Variants in CABCOCO1 observed in about 807,000 individuals in gnomAD.
The protein encoded by CABCOCO1 is ciliary-associated calcium-binding coiled-coil protein 1.
In CABCOCO1, 28 loss-of-function variants were observed where a neutral mutation model predicts 35.7. The observed-to-expected ratio is 0.78, with a 90% CI of 0.58 to 1.07. The LOEUF is 1.07. Among genes scored for constraint, CABCOCO1 ranks in the 50% least tolerant of loss-of-function variants. The pLI, the probability that CABCOCO1 is intolerant of heterozygous loss-of-function variation, is 0.00. For synonymous variants in CABCOCO1, 95 were observed against 100.1 expected (o/e 0.95, Z 0.30); for missense variants, 326 against 309.2 (o/e 1.05, Z -0.41).
chr10:61,748,341 G>A (rs1286201708), intron 5 of CABCOCO1, among the ~76,000 whole-genome samples: 1 of 152,070 alleles, frequency 6.6e-6, no homozygotes, highest in African/African-American at 2.4e-5. Flanking sequence ...GTGAAGTTGG[G>A]AACAAAACAG....
chr10:61,720,220 A>AT (rs991298574), intron 5 of CABCOCO1, among the ~76,000 whole-genome samples: 3 of 151,916 alleles, frequency 2.0e-5, no homozygotes, highest in African/African-American at 4.8e-5. Context: ...TTGAACTTCA[A>AT]TTTTTTTTAA....
chr10:61,722,328 CAT>C (rs1370726597), intron 5 of CABCOCO1, among the ~76,000 whole-genome samples: 3 of 151,792 alleles, frequency 2.0e-5, no homozygotes, highest in Non-Finnish European at 4.4e-5. Context: ...GAATGCAAAC[CAT>C]ATATATAAAG....
intron 2 of CABCOCO1, among the ~76,000 whole-genome samples, chr10:61,679,797 A>G (rs1327929452): frequency 1.3e-5 from 2 of 152,212 alleles, no homozygotes; most frequent in Non-Finnish European, 2.9e-5. Flanking sequence ...GACAAAAAAT[A>G]TAATCAACTA....
chr10:61,682,971 A>G (rs1589118912), intron 3 of CABCOCO1, among the ~76,000 whole-genome samples: 1 of 145,612 alleles, frequency 6.9e-6, no homozygotes, highest in South Asian at 2.2e-4. Context: ...GCTCACTGCA[A>G]CCTCCGCCTC....
chr10:61,685,435 C>T (rs1327428559), intron 3 of CABCOCO1: 4 of 152,130 alleles, frequency 2.6e-5, no homozygotes, highest in Non-Finnish European at 5.9e-5. Context: ...AAAACAAATG[C>T]TTTTCATTTT....
chr10:61,690,510 A>C (rs1418646623), intron 4 of CABCOCO1, 39 bp from the exon 5 acceptor site: 1 of 1,411,326 alleles, frequency 7.1e-7, no homozygotes, highest in Non-Finnish European at 9.9e-7. Flanking sequence ...TTTTTCCTGA[A>C]ATCAACTTAT....
At chr10:61,697,254 G>A (rs1358594350) in intron 5 of CABCOCO1, among the ~76,000 whole-genome samples, 1 of 152,016 alleles carries the variant, frequency 6.6e-6, no homozygotes, top group African/African-American at 2.4e-5. Flanking sequence ...AGGTAAATCA[G>A]AAGGGAAATA....
At chr10:61,669,304 G>A (rs1004627142) in intron 1 of CABCOCO1, among the ~76,000 whole-genome samples, 4 of 151,962 alleles carry the variant, frequency 2.6e-5, no homozygotes, top group African/African-American at 9.7e-5. Context: ...GATAATATCA[G>A]GCTTACAGTT....
chr10:61,689,472 A>T (rs1374630047), intron 4 of CABCOCO1, among the ~76,000 whole-genome samples: 1 of 152,144 alleles, frequency 6.6e-6, no homozygotes, highest in Non-Finnish European at 1.5e-5. Context: ...TTTTTAATGG[A>T]TTGTGTTAGT....
chr10:61,701,543 T>C, intron 5 of CABCOCO1: 1 of 735,120 alleles, frequency 1.4e-6, no homozygotes, highest in Non-Finnish European at 1.7e-6. Context: ...CTATTTATGA[T>C]ATTATCTGGC....
intron 3 of CABCOCO1, among the ~76,000 whole-genome samples, chr10:61,681,838 A>T (rs995426149): frequency 6.6e-6 from 1 of 152,170 alleles, no homozygotes; most frequent in Non-Finnish European, 1.5e-5. Flanking sequence ...ATTTGTGTAT[A>T]CACAAAGAAA....
At chr10:61,686,276 T>G (rs958839445) in intron 4 of CABCOCO1, 91 bp downstream of exon 4, 26 of 1,159,214 alleles carry the variant, frequency 2.2e-5, no homozygotes, top group Non-Finnish European at 3.1e-5. Context: ...TTTAGCAGAT[T>G]CAGATATTTA....
At chr10:61,764,231 T>C (rs1444851420) in intron 7 of CABCOCO1, among the ~76,000 whole-genome samples, 52 of 152,164 alleles carry the variant, frequency 3.4e-4, no homozygotes, top group Non-Finnish European at 2.9e-5. Flanking sequence ...GAAGAATCGA[T>C]TGTTTGAGTG....
At chr10:61,705,128 T>A (rs1167664946) in intron 5 of CABCOCO1, among the ~76,000 whole-genome samples, 2 of 152,194 alleles carry the variant, frequency 1.3e-5, no homozygotes, top group Non-Finnish European at 2.9e-5. Context: ...TGAAGCTAAG[T>A]CTTTTGTGAG....
At chr10:61,694,692 A>G (rs1031343457) in intron 5 of CABCOCO1, among the ~76,000 whole-genome samples, 3 of 152,094 alleles carry the variant, frequency 2.0e-5, no homozygotes, top group Non-Finnish European at 2.9e-5. Context: ...TGAGCCTGAC[A>G]CTCAGAAATG....
chr10:61,738,673 A>G (rs1841479435), intron 5 of CABCOCO1, among the ~76,000 whole-genome samples: 1 of 152,200 alleles, frequency 6.6e-6, no homozygotes, highest in African/African-American at 2.4e-5. Context: ...ACTAAATATT[A>G]TTGTAGTCTA....
At chr10:61,666,157 C>G (rs1233314456) in intron 1 of CABCOCO1, among the ~76,000 whole-genome samples, 1 of 152,112 alleles carries the variant, frequency 6.6e-6, no homozygotes, top group Non-Finnish European at 1.5e-5. Context: ...TATCCTGGAG[C>G]AGGCCATAGA....
At chr10:61,758,717 A>G (rs916574151) in intron 5 of CABCOCO1, among the ~76,000 whole-genome samples, 9 of 152,090 alleles carry the variant, frequency 5.9e-5, no homozygotes, top group Non-Finnish European at 1.3e-4. Flanking sequence ...ACCTTAGGCC[A>G]ATCATTTAAC....
In CABCOCO1 at chr10:61,707,137, A is replaced by G. The variant is rs1436242343; in HGVS notation, c.552+16516A>G. On this transcript the variant is annotated intron_variant, in intron 5 of 7. Coordinates refer to ENST00000648843, the MANE Select transcript of CABCOCO1 (RefSeq NM_001366906.2). ...TATGTGCGTGGTGTCCAGAAAACTT[A>G]CTGGGCAGGAGTAGGTGTAGGGAGA... Among the ~76,000 whole-genome samples the G allele has an allele frequency of 2.0e-5, 3 of 152,172 alleles. No homozygotes were observed. The South Asian group carries it at 6.2e-4, about 31-fold the overall frequency.
Sources: allele counts gnomAD v4.1 joint callset (sites outside exome capture counted in the v4.1 genomes callset), GRCh38; gene constraint gnomAD v4.1.1; transcripts MANE v1.5; gene names NCBI Gene and HGNC (gene_info 2026-07-23, HGNC 2026-07-21).